The following PIEZO2 variants were observed in gnomAD, a reference collection of about 807,000 sequenced individuals.
PIEZO2 encodes piezo-type mechanosensitive ion channel component 2.
PIEZO2 carries 172 observed loss-of-function variants against 337.3 expected under a neutral mutation model. That is an observed-to-expected ratio of 0.51 (90% CI 0.45 to 0.58). The LOEUF (loss-of-function observed/expected upper bound fraction) is 0.58, where lower values mean the gene tolerates loss of function less well. Ranked by LOEUF, PIEZO2 falls within the 20% of genes least tolerant of loss-of-function variation. PIEZO2 has a pLI of 0.00. For missense variants in PIEZO2, 3,028 were observed against 3,391.3 expected (o/e 0.89, Z 2.66); for synonymous variants, 1,251 against 1,228.5 (o/e 1.02, Z -0.38).
rs2144824906 is a variant in PIEZO2 at position 10,877,429 on chromosome 18, C to T, written c.330-6014G>A. The stretch of plus-strand genomic sequence containing the variant: ...CCGCTGAGAAACATTAGCATATATC[C>T]ATTTTCCTACTGGATATCTGTACTT... On this transcript the variant is annotated intron_variant, in intron 4 of 55. Transcript: ENST00000674853. The surrounding 1 kb of genome is among the most constrained non-coding windows in gnomAD (Gnocchi z 5.3). Among the ~76,000 whole-genome samples, 1 of 152,300 alleles carries T rather than the reference C, an allele frequency of 6.6e-6. No individual in the cohort carries two copies. Among genetic ancestry groups the T allele is most frequent in the South Asian group, 2.1e-4 (1 of 4,828 alleles).
In PIEZO2 at chr18:10,857,324, G is replaced by A; in HGVS notation, c.493-113C>T. 1.6e-5 allele frequency: 14 copies of A among 864,760 alleles called. No homozygotes were observed. In the Admixed American group the frequency reaches 2.3e-4, roughly 14 times the overall value. 53.6% of individuals were successfully genotyped at this position (864,760 alleles called of 1,614,324 possible). ...TCAACGTGGTGAATTTCACAGATCA[G>A]GAAAAAAGGGAAGACAACCAGTTCA... On this transcript the variant is annotated intron_variant, in intron 5 of 55. Transcript: ENST00000674853.
At chr18:11,052,190 C>A (rs909018434) in intron 2 of PIEZO2, among the ~76,000 whole-genome samples, 1 of 152,052 alleles carries the variant, frequency 6.6e-6, no homozygotes, top group Non-Finnish European at 1.5e-5. Flanking sequence ...TAGTACCTGG[C>A]ACACAGAAAT....
chr18:11,113,510 T>C (rs1568384808), intron 1 of PIEZO2, among the ~76,000 whole-genome samples: 1 of 152,214 alleles, frequency 6.6e-6, no homozygotes, highest in African/African-American at 2.4e-5. Flanking sequence ...CCCATCCTTC[T>C]TCCTGCTCTG....
At position 11,129,600 on chromosome 18, in the gene PIEZO2, G is replaced by A. The variant is rs1226657437; in HGVS notation, c.64+18925C>T. Reference sequence around the variant, plus strand: ...CCAGTTTATGCACCCAGAACCCCTTGAATGAAGGGGAGGCTGAGTCCCCTT... The same window carrying A: ...CCAGTTTATGCACCCAGAACCCCTTAAATGAAGGGGAGGCTGAGTCCCCTT... On this transcript the variant is annotated intron_variant, in intron 1 of 55. Transcript: ENST00000674853. The surrounding 1 kb of genome is among the most constrained non-coding windows in gnomAD (Gnocchi z 4.6). Among the ~76,000 whole-genome samples, 2 of 152,130 alleles carry A rather than the reference G, an allele frequency of 1.3e-5. No homozygotes were observed. Among genetic ancestry groups the A allele is most frequent in the African/African-American group, 4.8e-5 (2 of 41,432 alleles).
chr18:10,770,030 G>A (rs2038531599), intron 21 of PIEZO2, 118 bp downstream of exon 21: 1 of 1,113,080 alleles, frequency 9.0e-7, no homozygotes, highest in Non-Finnish European at 1.2e-6. Flanking sequence ...TAGTCTTGGA[G>A]TCTTGATACT....
chr18:11,136,378 C>G (rs1240245666), intron 1 of PIEZO2, among the ~76,000 whole-genome samples: 1 of 152,228 alleles, frequency 6.6e-6, no homozygotes. Context: ...AAACAAAGCC[C>G]ATTTTATGAG....
rs1202951415 is a variant in PIEZO2, at chr18:10,784,719, C to T, written c.2492+65G>A. 1 of 1,330,332 alleles carries T rather than the reference C, an allele frequency of 7.5e-7. No homozygotes were observed. Among genetic ancestry groups the T allele is most frequent in the Admixed American group, 3.4e-5 (1 of 29,356 alleles). 82.4% of individuals were successfully genotyped at this position (1,330,332 alleles called of 1,614,324 possible). A position where few individuals can be genotyped will look rare whatever the true frequency, so the allele number is the denominator to read the frequency against. On this transcript the variant is annotated intron_variant, in intron 17 of 55. Transcript: ENST00000674853. This position sits in a 1 kb window ranked among gnomAD's most constrained non-coding sequence, Gnocchi z 4.5. Reference sequence around the variant, plus strand: ...ACTGGCTTCTCGCAAGGTGGCCAACCTAAGGTAGGGTTGAAGAGCTGCCTT... The same window carrying T: ...ACTGGCTTCTCGCAAGGTGGCCAACTTAAGGTAGGGTTGAAGAGCTGCCTT...
In PIEZO2 at chr18:10,853,643, G is replaced by A. The variant is rs899738075; in HGVS notation, c.917+1710C>T. 6.6e-6 allele frequency among the ~76,000 whole-genome samples: 1 copy of A among 152,120 alleles called. No homozygotes were observed. The highest frequency in any genetic ancestry group is 2.4e-5 in the African/African-American group (1 of 41,424). On this transcript the variant is annotated intron_variant, in intron 7 of 55. Coordinates refer to ENST00000674853, the MANE Select transcript of PIEZO2 (RefSeq NM_001378183.1). The surrounding 1 kb of genome is among the most constrained non-coding windows in gnomAD (Gnocchi z 4.2). Reference sequence around the variant, plus strand: ...CTCATGCAAAGAAAAGTTCAAATAGGACAGTGGATAACCCTATACTGATCA... The same window carrying A: ...CTCATGCAAAGAAAAGTTCAAATAGAACAGTGGATAACCCTATACTGATCA...
In PIEZO2 at chr18:10,677,722, T is replaced by C. The variant is rs2034073146; in HGVS notation, c.8081+25A>G. ...CAGCTGCATATACCTAACAAAGCTCTATTAGTAGGAAAAAATACACTTACA... is the reference window on the plus strand; with the variant it reads ...CAGCTGCATATACCTAACAAAGCTCCATTAGTAGGAAAAAATACACTTACA... On this transcript the variant is annotated intron_variant, in intron 53 of 55. Transcript: ENST00000674853. The surrounding 1 kb of genome is among the most constrained non-coding windows in gnomAD (Gnocchi z 4.1). 5.0e-6 allele frequency: 8 copies of C among 1,604,558 alleles called. No individual in the cohort carries two copies. Among genetic ancestry groups the C allele is most frequent in the Non-Finnish European group, 5.9e-6 (7 of 1,177,506 alleles).
rs1030469923 is a variant in PIEZO2 at position 10,895,448 on chromosome 18, A to AAAT, written c.329+15735_329+15737dup. On this transcript the variant is annotated intron_variant, in intron 4 of 55. Coordinates refer to ENST00000674853, the MANE Select transcript of PIEZO2 (RefSeq NM_001378183.1). The surrounding 1 kb of genome is among the most constrained non-coding windows in gnomAD (Gnocchi z 4.8). ...GCAACAGAGCAAGACTCCGTCTCAA[A>AAAT]AATAATAATAATAATAGTAAGTCAA... is the stretch of plus-strand genomic sequence containing the variant. Among the ~76,000 whole-genome samples, 3 of 151,914 alleles carry AAAT rather than the reference A, an allele frequency of 2.0e-5. No homozygotes were observed. Among genetic ancestry groups the AAAT allele is most frequent in the South Asian group, 2.1e-4 (1 of 4,804 alleles).
rs147186812 is a variant in PIEZO2, at chr18:10,930,516, T to C, written c.287-19288A>G. ...TGCCTGTAACTTCTGTCCCCTAAAA[T>C]GTATAAAATCAAGCTGTAACCTAAC... On this transcript the variant is annotated intron_variant, in intron 3 of 55. Coordinates refer to ENST00000674853, the MANE Select transcript of PIEZO2 (RefSeq NM_001378183.1). 1.7e-4 allele frequency among the ~76,000 whole-genome samples: 26 copies of C among 152,330 alleles called. No homozygotes were observed. The East Asian group carries it at 4.8e-3, about 28-fold the overall frequency.
intron 1 of PIEZO2, among the ~76,000 whole-genome samples, chr18:11,084,230 A>G (rs571374736): frequency 6.6e-6 from 1 of 151,990 alleles, no homozygotes; most frequent in African/African-American, 2.4e-5. Flanking sequence ...AGAGGCAGGA[A>G]AGGGACCCTA....
At chr18:10,983,304 G>GC (rs1316886978) in intron 2 of PIEZO2, among the ~76,000 whole-genome samples, 2 of 152,034 alleles carry the variant, frequency 1.3e-5, no homozygotes, top group African/African-American at 4.8e-5. Context: ...TGAGTTTCCA[G>GC]CCCTACTGTG....
chr18:10,959,868 T>C (rs2033691710), intron 3 of PIEZO2, among the ~76,000 whole-genome samples: 1 of 152,176 alleles, frequency 6.6e-6, no homozygotes, highest in African/African-American at 2.4e-5. Context: ...TAAATCTTTA[T>C]TGCACCCTAG....
Position 10,742,588 on chromosome 18 carries a change from C to G in PIEZO2, c.4542G>C (p.Gln1514His). The G allele has an allele frequency of 2.0e-6, 3 of 1,537,184 alleles. No homozygotes were observed. Among genetic ancestry groups the G allele is most frequent in the South Asian group, 2.4e-5 (2 of 84,062 alleles). ...TCCTCTCCTTACCCTTTTTATATTT[C>G]TGTTGCCTGGCCTTGATGCGATCCA... ...RQMDRIKARQ[Q>H]KYKKGKERML... The change falls in exon 32 of 56, where the codon CAG (glutamine) becomes CAC (histidine). Residue 1514 changes from glutamine (Q) to histidine (H), a missense_variant. Physicochemically the swap from Gln to His is conservative, Grantham distance 24 (BLOSUM62 0). Transcript: ENST00000674853.
intron 2 of PIEZO2, among the ~76,000 whole-genome samples, chr18:10,991,949 G>A (rs1377664833): frequency 2.6e-5 from 4 of 152,134 alleles, no homozygotes; most frequent in Non-Finnish European, 5.9e-5. Context: ...GTATCTCATT[G>A]TGGTTTTGAT....
At chr18:10,936,921 C>T (rs1157434211) in intron 3 of PIEZO2, among the ~76,000 whole-genome samples, 2 of 152,170 alleles carry the variant, frequency 1.3e-5, no homozygotes, top group African/African-American at 4.8e-5. Context: ...TAGCTACTGA[C>T]TCCCTCCTTG....
chr18:10,904,897 C>T (rs1264511679), intron 4 of PIEZO2, among the ~76,000 whole-genome samples: 1 of 152,194 alleles, frequency 6.6e-6, no homozygotes, highest in Non-Finnish European at 1.5e-5. Flanking sequence ...CAGAAGCCAG[C>T]ATAGTGTAAG....
intron 48 of PIEZO2, 132 bp from the exon 49 acceptor site, chr18:10,689,934 C>T (rs1206904238): frequency 2.0e-6 from 2 of 979,050 alleles, no homozygotes; most frequent in Non-Finnish European, 2.9e-6. Flanking sequence ...GTGACCCTTC[C>T]AGTAAAACCC....
Sources: allele counts gnomAD v4.1 joint callset (sites outside exome capture counted in the v4.1 genomes callset), GRCh38; gene constraint gnomAD v4.1.1; non-coding constraint Gnocchi (gnomAD v3.1); transcripts MANE v1.5; gene names NCBI Gene and HGNC (gene_info 2026-07-23, HGNC 2026-07-21).